The following POU2F1 variants were observed in gnomAD, a reference collection of about 807,000 sequenced individuals.
POU2F1 encodes POU domain, class 2, transcription factor 1.
Under a neutral mutation model 84.9 loss-of-function variants are expected in POU2F1, and 16 were observed. The observed-to-expected ratio is 0.19, with a 90% CI of 0.13 to 0.29. POU2F1 has a LOEUF of 0.29. Ranked by LOEUF, POU2F1 falls within the 10% of genes least tolerant of loss-of-function variation. POU2F1 has a pLI of 1.00. For missense variants in POU2F1, 738 were observed against 942.6 expected (o/e 0.78, Z 2.84); for synonymous variants, 368 against 368.3 (o/e 1.00, Z 0.01).
chr1:167,395,103 G>A (rs931755992), intron 9 of POU2F1, among the ~76,000 whole-genome samples: 2 of 152,134 alleles, frequency 1.3e-5, no homozygotes, highest in African/African-American at 2.4e-5. Context: ...TTTAAACTCC[G>A]TGAGCCTCTG....
chr1:167,340,431 CTTTT>C (rs761386225), intron 2 of POU2F1, among the ~76,000 whole-genome samples: 2 of 122,306 alleles, frequency 1.6e-5, no homozygotes, highest in Admixed American at 8.3e-5. Context: ...TTCTTTTTTT[CTTTT>C]TTTTTTTTTT....
intron 13 of POU2F1, among the ~76,000 whole-genome samples, chr1:167,406,439 T>TC (rs762604571): frequency 4.8e-4 from 73 of 152,172 alleles, no homozygotes; most frequent in Non-Finnish European, 9.3e-4. Context: ...CTGAATACTT[T>TC]CCCCACTAAG....
At chr1:167,406,909 T>G (rs184955625) in intron 13 of POU2F1, among the ~76,000 whole-genome samples, 331 of 152,152 alleles carry the variant, frequency 2.2e-3, no homozygotes, top group Non-Finnish European at 3.5e-3. Context: ...TTTGGAAGAC[T>G]AAGCATTCTT....
chr1:167,399,968 CTTTTTTTTTTTTT>C (rs67562017), intron 12 of POU2F1, among the ~76,000 whole-genome samples: 105 of 61,430 alleles, frequency 1.7e-3, no homozygotes, highest in African/African-American at 7.1e-3. Flanking sequence ...CATTCCCAGT[CTTTTTTTTTTTTT>C]TTTTTTTTTT....
chr1:167,334,856 G>GT (rs1401308406), intron 2 of POU2F1, among the ~76,000 whole-genome samples: 6 of 152,158 alleles, frequency 3.9e-5, no homozygotes, highest in Non-Finnish European at 8.8e-5. Flanking sequence ...CAAGTAAAAT[G>GT]TTTAAGGGGA....
intron 2 of POU2F1, among the ~76,000 whole-genome samples, chr1:167,341,521 G>A (rs778185679): frequency 6.6e-6 from 1 of 152,124 alleles, no homozygotes; most frequent in African/African-American, 2.4e-5. Context: ...CCCCCTTGCA[G>A]GACATGCGAC....
chr1:167,392,500 T>C (rs1241549010), intron 9 of POU2F1, among the ~76,000 whole-genome samples: 1 of 152,246 alleles, frequency 6.6e-6, no homozygotes, highest in East Asian at 1.9e-4. Context: ...TGGGGTTCCC[T>C]GAGAGATTGT....
At position 167,351,782 on chromosome 1, in the gene POU2F1, G is replaced by A. The variant is rs544642267; in HGVS notation, c.128-13685G>A. ...ATCTGCATTTTCATCCTATTTGAGG[G>A]TTTCACCTTAGCTTTCTCCCTGACT... On this transcript the variant is annotated intron_variant, in intron 2 of 15. Coordinates refer to ENST00000367866, the MANE Select transcript of POU2F1 (RefSeq NM_002697.4). 3.9e-5 allele frequency among the ~76,000 whole-genome samples: 6 copies of A among 152,090 alleles called. No homozygotes were observed. The East Asian group carries it at 7.7e-4, about 20-fold the overall frequency.
chr1:167,237,608 TTGTC>T (rs541801854), intron 1 of POU2F1, among the ~76,000 whole-genome samples: 1,808 of 151,982 alleles, frequency 0.012, 14 homozygotes, highest in South Asian at 0.026. Flanking sequence ...GTACTACCAT[TTGTC>T]TGATTTCTAC....
chr1:167,412,844 T>C (rs1167204437), intron 14 of POU2F1, among the ~76,000 whole-genome samples, 182 bp from the exon 15 acceptor site: 1 of 152,240 alleles, frequency 6.6e-6, no homozygotes, highest in East Asian at 1.9e-4. Context: ...ACCTCGTTTG[T>C]ATGAGTAAGC....
At chr1:167,348,827 CTCTTTGTACCTTTCTAAGAGCAAG>C (rs1385587339) in intron 2 of POU2F1, among the ~76,000 whole-genome samples, 1 of 152,186 alleles carries the variant, frequency 6.6e-6, no homozygotes, top group Non-Finnish European at 1.5e-5. Context: ...CCTCTCAAAA[CTCTTTGTACCTTTCTAAGAGCAAG>C]TAAGTGCTCT....
chr1:167,410,917 A>G (rs1649917003), intron 13 of POU2F1, among the ~76,000 whole-genome samples: 1 of 152,238 alleles, frequency 6.6e-6, no homozygotes, highest in Admixed American at 6.5e-5. Flanking sequence ...TAATCCCAGC[A>G]AATGTGTTTT....
At chr1:167,340,142 C>T (rs1375607163) in intron 2 of POU2F1, among the ~76,000 whole-genome samples, 4 of 152,104 alleles carry the variant, frequency 2.6e-5, no homozygotes, top group African/African-American at 7.2e-5. Flanking sequence ...TGCAATGGCA[C>T]GATCCTGGCT....
At position 167,322,829 on chromosome 1, in the gene POU2F1, G is replaced by T. The variant is rs577913975; in HGVS notation, c.62-9641G>T. 7.9e-5 allele frequency among the ~76,000 whole-genome samples: 12 copies of T among 152,344 alleles called. No homozygotes were observed. In the South Asian group the frequency reaches 2.5e-3, roughly 32 times the overall value. On this transcript the variant is annotated intron_variant, in intron 1 of 15. Coordinates refer to ENST00000367866, the MANE Select transcript of POU2F1 (RefSeq NM_002697.4). ...ACGGGAAACAAAGAGATGGGCTCTG[G>T]CTGGTTATCTGCAGCAGGAACATGT... is the stretch of plus-strand genomic sequence containing the variant.
At chr1:167,379,583 T>G (rs1184162407) in intron 7 of POU2F1, 1 of 152,194 alleles carries the variant, frequency 6.6e-6, no homozygotes, top group Admixed American at 6.5e-5. Flanking sequence ...ATTCAAAAGA[T>G]ACTGCATTTT....
In POU2F1 at chr1:167,296,058, C is replaced by T. The variant is rs1029166442; in HGVS notation, c.62-36412C>T. Among the ~76,000 whole-genome samples the T allele has an allele frequency of 7.9e-5, 12 of 151,158 alleles. No individual in the cohort carries two copies. The South Asian group carries it at 1.0e-3, about 13-fold the overall frequency. The stretch of plus-strand genomic sequence containing the variant: ...TTTTTTAGTTTCTGTACAGTTAAGT[C>T]GTGAGTTGGACAAAGAATTTTTACT... On this transcript the variant is annotated intron_variant, in intron 1 of 15. Coordinates refer to ENST00000367866, the MANE Select transcript of POU2F1 (RefSeq NM_002697.4).
At chr1:167,222,008 C>A (rs766843661) in intron 1 of POU2F1, among the ~76,000 whole-genome samples, 63 of 152,052 alleles carry the variant, frequency 4.1e-4, no homozygotes, top group Non-Finnish European at 6.5e-4. Context: ...CCCTTTGCCC[C>A]TCCCCGCTGC....
chr1:167,356,593 G>A (rs1658954638), intron 2 of POU2F1, among the ~76,000 whole-genome samples: 1 of 152,078 alleles, frequency 6.6e-6, no homozygotes, highest in Non-Finnish European at 1.5e-5. Context: ...ATATATACGG[G>A]TCTGCAGCAA....
At chr1:167,273,210 C>G in intron 1 of POU2F1, among the ~76,000 whole-genome samples, 1 of 152,224 alleles carries the variant, frequency 6.6e-6, no homozygotes, top group East Asian at 1.9e-4. Flanking sequence ...GCCCCTGTGG[C>G]TCTACAGGGT....
Sources: allele counts gnomAD v4.1 joint callset (sites outside exome capture counted in the v4.1 genomes callset), GRCh38; gene constraint gnomAD v4.1.1; transcripts MANE v1.5; gene names NCBI Gene and HGNC (gene_info 2026-07-23, HGNC 2026-07-21).